Variants in CPA3 observed in about 807,000 individuals in gnomAD.
CPA3 encodes the protein mast cell carboxypeptidase A.
A neutral mutation model predicts 55.8 loss-of-function variants in CPA3; 52 were observed. The ratio of observed to expected loss-of-function variants is 0.93; its 90% confidence interval spans 0.75 to 1.17. CPA3 has a LOEUF of 1.17. Ranked by LOEUF, CPA3 falls within the 50% of genes most tolerant of loss-of-function variation. The pLI is 0.00. For missense variants in CPA3, 547 were observed against 509.1 expected, an observed-to-expected ratio of 1.07 and a Z score of -0.72; for synonymous variants, 179 against 171.2, an observed-to-expected ratio of 1.05 and a Z score of -0.36.
intron 10 of CPA3, among the ~76,000 whole-genome samples, chr3:148,890,418 G>A (rs561308083): frequency 1.3e-5 from 2 of 152,192 alleles, no homozygotes; most frequent in Admixed American, 1.3e-4. Context: ...CTTCCTTTGT[G>A]TACCAAAATT....
intron 3 of CPA3, among the ~76,000 whole-genome samples, chr3:148,870,730 TTC>T (rs1406783107): frequency 6.6e-5 from 10 of 152,192 alleles, no homozygotes; most frequent in African/African-American, 2.4e-4. Context: ...TACTAAGTTT[TTC>T]TGTTTTTATA....
chr3:148,896,595 A>T lies in CPA3; in HGVS notation c.1142A>T (p.Asp381Val), dbSNP rs1475597035. Residue 381 changes from aspartate (D) to valine (V), a missense_variant, in exon 11 of 11, where the codon GAT becomes GTT. Transcript: ENST00000296046. ...CACACATTTGCCTTTGAGCTCCGAG[A>T]TAAAGGCAAATTTGGTTTTCTCCTT... ...IKHTFAFELR[D>V]KGKFGFLLPE... The T allele has an allele frequency of 6.3e-7, 1 of 1,590,358 alleles. No homozygotes were observed.
chr3:148,884,849 T>TA (rs1015423256), intron 9 of CPA3, among the ~76,000 whole-genome samples: 1 of 144,496 alleles, frequency 6.9e-6, no homozygotes, highest in Non-Finnish European at 1.5e-5. Context: ...TATTATGGGT[T>TA]AAAAAAAATA....
intron 7 of CPA3, among the ~76,000 whole-genome samples, chr3:148,882,106 T>C (rs1714388791): frequency 6.6e-6 from 1 of 152,208 alleles, no homozygotes; most frequent in Non-Finnish European, 1.5e-5. Context: ...CACTGTCACA[T>C]CAAATTATTT....
intron 9 of CPA3, 86 bp downstream of exon 9, chr3:148,883,901 A>AC: frequency 1.0e-6 from 1 of 982,390 alleles, no homozygotes; most frequent in Non-Finnish European, 1.6e-6. Flanking sequence ...ATGTTGAAAG[A>AC]ATTTCACATT....
At position 148,896,660 on chromosome 3, in the gene CPA3, C is replaced by G; in HGVS notation, c.1207C>G (p.Leu403Val). The G allele has an allele frequency of 6.4e-7, 1 of 1,564,478 alleles. No individual in the cohort carries two copies. Among genetic ancestry groups the G allele is most frequent in the Non-Finnish European group, 8.8e-7 (1 of 1,142,702 alleles). Residue 403 changes from leucine to valine, a missense_variant, in exon 11 of 11, where the codon CTA (leucine) becomes GTA (valine). Physicochemically the swap from Leu to Val is conservative, Grantham distance 32. Transcript: ENST00000296046. ...RIKPTCRETM[L>V]AVKFIAKYIL... ...AAAGCCAACGTGCAGAGAGACCATG[C>G]TAGCTGTCAAATTTATTGCCAAGTA...
intron 2 of CPA3, 40 bp downstream of exon 2, chr3:148,865,588 C>T: frequency 6.5e-7 from 1 of 1,535,288 alleles, no homozygotes; most frequent in Non-Finnish European, 9.0e-7. Flanking sequence ...TCTTACTGTT[C>T]TCTAAAAGAT....
intron 2 of CPA3, among the ~76,000 whole-genome samples, chr3:148,867,508 A>G (rs535261119): frequency 8.2e-4 from 125 of 152,344 alleles, no homozygotes; most frequent in Non-Finnish European, 1.3e-3. Flanking sequence ...TTAATACATG[A>G]AAGTTCACTA....
At chr3:148,888,147 GT>G (rs1714581667) in intron 10 of CPA3, among the ~76,000 whole-genome samples, 1 of 152,148 alleles carries the variant, frequency 6.6e-6, no homozygotes, top group Admixed American at 6.5e-5. Flanking sequence ...CCTGACCACA[GT>G]TTTTAAGTCA....
chr3:148,882,370 T>C (rs1005968866), intron 7 of CPA3, 135 bp from the exon 8 acceptor site: 1 of 580,942 alleles, frequency 1.7e-6, no homozygotes, highest in African/African-American at 1.9e-5. Flanking sequence ...TTTTTTCTTT[T>C]TATAATAAAG....
rs149537057 is a variant in CPA3 at position 148,877,728 on chromosome 3, G to C, written c.270-713G>C. On this transcript the variant is annotated intron_variant, in intron 3 of 10. Transcript: ENST00000296046. Reference sequence around the variant, plus strand: ...TAATAATCTAATGTGAAGATTAAATGAATTAATAATGTACATATGGAGGTC... The same window carrying C: ...TAATAATCTAATGTGAAGATTAAATCAATTAATAATGTACATATGGAGGTC... 1.8e-3 allele frequency among the ~76,000 whole-genome samples: 278 copies of C among 152,268 alleles called. 1 individual carries two copies. The highest frequency in any genetic ancestry group is 6.4e-3 in the African/African-American group (265 of 41,562).
At chr3:148,893,797 A>T (rs1714740565) in intron 10 of CPA3, among the ~76,000 whole-genome samples, 1 of 152,246 alleles carries the variant, frequency 6.6e-6, no homozygotes, top group Non-Finnish European at 1.5e-5. Flanking sequence ...AATGATCTAG[A>T]GTTAAAAACA....
Position 148,896,798 on chromosome 3 carries a change from C to T in CPA3, c.*91C>T. 1.9e-6 allele frequency: 2 copies of T among 1,060,372 alleles called. No individual in the cohort carries two copies. The highest frequency in any genetic ancestry group is 2.6e-5 in the South Asian group (1 of 38,782). 65.7% of individuals were successfully genotyped at this position (1,060,372 alleles called of 1,614,324 possible). A position where few individuals can be genotyped will look rare whatever the true frequency, so the allele number is the denominator to read the frequency against. On this transcript the variant is annotated 3_prime_UTR_variant, in exon 11 of 11. Coordinates refer to ENST00000296046, the MANE Select transcript of CPA3 (RefSeq NM_001870.4). ...CTTCAGTTATCCCCAAATGCAGCTTCTATTTCACCTGAATCCTTCTCTTGC... is the reference window on the plus strand; with the variant it reads ...CTTCAGTTATCCCCAAATGCAGCTTTTATTTCACCTGAATCCTTCTCTTGC...
intron 10 of CPA3, among the ~76,000 whole-genome samples, chr3:148,889,311 T>A (rs76239377): frequency 0.013 from 1,974 of 152,228 alleles, 15 homozygotes; most frequent in Non-Finnish European, 0.019. Context: ...ACTTAACATG[T>A]CCCCAGATTT....
At position 148,883,824 on chromosome 3, in the gene CPA3, A is replaced by C. The variant is rs1458006513; in HGVS notation, c.981+9A>C. The C allele has an allele frequency of 1.9e-6, 3 of 1,608,628 alleles. No homozygotes were observed. In the South Asian group the frequency reaches 3.3e-5, roughly 18 times the overall value. On this transcript the variant is annotated intron_variant, in intron 9 of 10. Transcript: ENST00000296046. ...CTAACCATGAGGACTTGGTACGTAGACAAAAGTTTGCACTTCATGCATCGA... is the reference window on the plus strand; with the variant it reads ...CTAACCATGAGGACTTGGTACGTAGCCAAAAGTTTGCACTTCATGCATCGA...
intron 3 of CPA3, among the ~76,000 whole-genome samples, chr3:148,872,375 T>C (rs1427257147): frequency 6.6e-6 from 1 of 152,226 alleles, no homozygotes; most frequent in Non-Finnish European, 1.5e-5. Flanking sequence ...CATTGTCTTT[T>C]CTTTGATCAA....
intron 2 of CPA3, among the ~76,000 whole-genome samples, chr3:148,867,966 G>C (rs1252688755): frequency 6.6e-6 from 1 of 152,100 alleles, no homozygotes; most frequent in Non-Finnish European, 1.5e-5. Context: ...CGAGATCTCG[G>C]CTCACTGCAA....
intron 9 of CPA3, among the ~76,000 whole-genome samples, chr3:148,885,471 C>T (rs1289047077): frequency 1.5e-5 from 2 of 134,978 alleles, no homozygotes; most frequent in East Asian, 2.2e-4. Context: ...AGTGCAGTGG[C>T]GCAATCTTGG....
At chr3:148,883,175 T>C (rs1311473023) in intron 8 of CPA3, among the ~76,000 whole-genome samples, 1 of 152,224 alleles carries the variant, frequency 6.6e-6, no homozygotes, top group African/African-American at 2.4e-5. Flanking sequence ...TTTAACTGTA[T>C]TCTACCATAA....
Sources: gnomAD v4.1 joint callset for allele counts (sites outside exome capture counted in the v4.1 genomes callset) on GRCh38, gnomAD v4.1.1 for gene constraint, MANE v1.5 for transcripts, NCBI Gene and HGNC (gene_info 2026-07-23, HGNC 2026-07-21) for gene names.